Variants in RBL1 observed in about 807,000 individuals in gnomAD.
RBL1 encodes RB transcriptional corepressor like 1.
A neutral mutation model predicts 123.0 loss-of-function variants in RBL1; 82 were observed. That is an observed-to-expected ratio of 0.67 (90% CI 0.56 to 0.80). The LOEUF is 0.80. Among genes scored for constraint, RBL1 ranks in the 30% least tolerant of loss-of-function variants. RBL1 has a pLI of 0.00. For missense variants in RBL1, 1,171 were observed against 1,299.6 expected, an observed-to-expected ratio of 0.90 and a Z score of 1.52; for synonymous variants, 405 against 441.3, an observed-to-expected ratio of 0.92 and a Z score of 1.03.
intron 19 of RBL1, among the ~76,000 whole-genome samples, chr20:37,012,985 G>A (rs543190928): frequency 4.0e-4 from 60 of 151,646 alleles, no homozygotes; most frequent in African/African-American, 1.3e-3. Flanking sequence ...CCCCCCGCCC[G>A]GCCAGTCACC....
intron 13 of RBL1, among the ~76,000 whole-genome samples, chr20:37,042,532 C>G (rs975610468): frequency 1.3e-5 from 2 of 152,072 alleles, no homozygotes; most frequent in Non-Finnish European, 2.9e-5. Flanking sequence ...CAATTCCACT[C>G]CAAGAAAAAT....
intron 2 of RBL1, 77 bp from the exon 3 acceptor site, chr20:37,068,263 C>T: frequency 6.8e-7 from 1 of 1,474,564 alleles, no homozygotes; most frequent in Non-Finnish European, 9.0e-7. Context: ...ATATTCTATT[C>T]ATGACTAAGA....
At chr20:37,081,828 G>A (rs1019658270) in intron 2 of RBL1, 11 of 349,382 alleles carry the variant, frequency 3.1e-5, no homozygotes, top group Non-Finnish European at 5.1e-5. Context: ...TTGGTTGCTT[G>A]AACAAAGTAT....
At chr20:37,054,155 A>G (rs546124621) in intron 11 of RBL1, among the ~76,000 whole-genome samples, 1 of 152,212 alleles carries the variant, frequency 6.6e-6, no homozygotes, top group East Asian at 1.9e-4. Context: ...TCTCTGTACT[A>G]CTTTTGCAAC....
chr20:37,055,996 G>C (rs1035277359), intron 10 of RBL1, 150 bp downstream of exon 10: 7 of 1,312,060 alleles, frequency 5.3e-6, no homozygotes, highest in South Asian at 1.5e-5. Context: ...GCAGTGAGTC[G>C]AGATCATGCC....
intron 2 of RBL1, among the ~76,000 whole-genome samples, chr20:37,083,726 A>G (rs980690332): frequency 6.8e-6 from 1 of 147,708 alleles, no homozygotes; most frequent in Non-Finnish European, 1.5e-5. Flanking sequence ...AATCACTTGA[A>G]CCCAGGAGGA....
intron 12 of RBL1, among the ~76,000 whole-genome samples, chr20:37,045,073 T>C (rs2064796721): frequency 7.7e-6 from 1 of 129,110 alleles, no homozygotes; most frequent in Admixed American, 7.6e-5. Context: ...AATATTCACA[T>C]TTATTTACTT....
At chr20:37,007,075 C>T (rs1279750217) in intron 20 of RBL1, among the ~76,000 whole-genome samples, 2 of 151,930 alleles carry the variant, frequency 1.3e-5, no homozygotes, top group Admixed American at 6.6e-5. Flanking sequence ...GGTGAAACCC[C>T]GTATCTACTA....
chr20:37,052,861 T>G (rs2064941186), intron 11 of RBL1, among the ~76,000 whole-genome samples: 1 of 151,726 alleles, frequency 6.6e-6, no homozygotes, highest in Non-Finnish European at 1.5e-5. Context: ...AGGCTGGTCT[T>G]GAACTCCTGA....
intron 11 of RBL1, among the ~76,000 whole-genome samples, chr20:37,048,968 G>A (rs545232896): frequency 1.3e-5 from 2 of 151,048 alleles, no homozygotes; most frequent in Non-Finnish European, 2.9e-5. Context: ...TTGGGAGGCC[G>A]AGGGGGGTGG....
At position 37,064,060 on chromosome 20, in the gene RBL1, C is replaced by T. The variant is rs548674333; in HGVS notation, c.896+1364G>A. Among the ~76,000 whole-genome samples, 455 of 150,958 alleles carry T rather than the reference C, an allele frequency of 3.0e-3. 1 individual carries two copies. Among genetic ancestry groups the T allele is most frequent in the Non-Finnish European group, 3.8e-3 (257 of 67,780 alleles). Reference sequence around the variant, plus strand: ...TGGTCTCCAACCTTCTGAGCTCAAGCGATCTGGCTGCCTTGGCCTTCCAAA... The same window carrying T: ...TGGTCTCCAACCTTCTGAGCTCAAGTGATCTGGCTGCCTTGGCCTTCCAAA... On this transcript the variant is annotated intron_variant, in intron 7 of 21. Transcript: ENST00000373664.
At chr20:37,033,761 G>A (rs147795584) in intron 15 of RBL1, among the ~76,000 whole-genome samples, 13 of 149,526 alleles carry the variant, frequency 8.7e-5, no homozygotes, top group African/African-American at 2.7e-4. Flanking sequence ...ACAGGCATGC[G>A]CCACCACACC....
intron 16 of RBL1, among the ~76,000 whole-genome samples, chr20:37,026,670 C>G (rs1482602650): frequency 1.3e-5 from 2 of 148,354 alleles, no homozygotes. Flanking sequence ...TGCCACTGCA[C>G]TCCAGCCTGG....
At chr20:37,007,039 G>C (rs2064085680) in intron 20 of RBL1, among the ~76,000 whole-genome samples, 1 of 151,764 alleles carries the variant, frequency 6.6e-6, no homozygotes, top group African/African-American at 2.4e-5. Context: ...TTGAGTCCAG[G>C]AGTTCAAGAC....
chr20:37,053,040 G>T (rs370917554), intron 11 of RBL1, among the ~76,000 whole-genome samples: 27 of 152,346 alleles, frequency 1.8e-4, no homozygotes, highest in African/African-American at 6.3e-4. Flanking sequence ...TTCAAAATAC[G>T]TGGAGAAAAG....
At chr20:37,013,395 C>T (rs2064196728) in intron 19 of RBL1, among the ~76,000 whole-genome samples, 1 of 151,202 alleles carries the variant, frequency 6.6e-6, no homozygotes, top group Non-Finnish European at 1.5e-5. Context: ...AGGCAGCATG[C>T]TCGTTAAAAG....
chr20:37,035,193 T>G (rs755502046), intron 15 of RBL1, 49 bp downstream of exon 15: 1 of 1,517,488 alleles, frequency 6.6e-7, no homozygotes, highest in Admixed American at 2.0e-5. Flanking sequence ...AGACATTTCT[T>G]AAATTTTTAT....
intron 16 of RBL1, among the ~76,000 whole-genome samples, chr20:37,028,971 C>A (rs1213469145): frequency 6.6e-6 from 1 of 152,094 alleles, no homozygotes; most frequent in Non-Finnish European, 1.5e-5. Flanking sequence ...ACTAGTAAAA[C>A]AAATTCAACA....
intron 15 of RBL1, 139 bp from the exon 16 acceptor site, chr20:37,033,015 A>T: frequency 8.5e-7 from 1 of 1,174,034 alleles, no homozygotes; most frequent in South Asian, 1.8e-5. Flanking sequence ...TTATGACTGA[A>T]TTCTTTTTTT....
Sources: gnomAD v4.1 joint callset for allele counts (sites outside exome capture counted in the v4.1 genomes callset) on GRCh38, gnomAD v4.1.1 for gene constraint, MANE v1.5 for transcripts, NCBI Gene and HGNC (gene_info 2026-07-23, HGNC 2026-07-21) for gene names.